Variants in PRRT1B observed in about 807,000 individuals in gnomAD.
The protein encoded by PRRT1B is dispanin subfamily D member 2.
chr9:131,556,244 T>G, intron 3 of PRRT1B, 31 bp downstream of exon 3: 1 of 400,716 alleles, frequency 2.5e-6, no homozygotes, highest in Non-Finnish European at 4.4e-6. Flanking sequence ...GGGCACAGCC[T>G]CTCCTAGCAC....
intron 1 of PRRT1B, among the ~76,000 whole-genome samples, chr9:131,546,052 G>T (rs952297362): frequency 6.6e-6 from 1 of 152,148 alleles, no homozygotes; most frequent in Non-Finnish European, 1.5e-5. Context: ...AGCTCTGGGG[G>T]CGCCCCTGCG....
Position 131,548,860 on chromosome 9 carries a change from C to T in PRRT1B, c.25+3220C>T, listed in dbSNP as rs568994864. Among the ~76,000 whole-genome samples, 11 of 152,318 alleles carry T rather than the reference C, an allele frequency of 7.2e-5. No individual in the cohort carries two copies. In the Middle Eastern group the frequency reaches 0.014, roughly 188 times the overall value. ...TTTAATTCTGCGACTAGCCCTCCCC[C>T]ACCTGCCCAGCAATTTCCTCTTAAA... On this transcript the variant is annotated intron_variant, in intron 1 of 3. Transcript: ENST00000636672.
At position 131,556,228 on chromosome 9, in the gene PRRT1B, G is replaced by A. The variant is rs1302476253; in HGVS notation, c.642+15G>A. ...ACTCCCACGAGGTAGGTGCGGGGGC[G>A]GCCCTGGGCACAGCCTCTCCTAGCA... On this transcript the variant is annotated intron_variant, in intron 3 of 3. Coordinates refer to ENST00000636672, the Ensembl canonical transcript of PRRT1B. The A allele has an allele frequency of 2.5e-5, 10 of 399,856 alleles. No individual in the cohort carries two copies. Among genetic ancestry groups the A allele is most frequent in the African/African-American group, 1.0e-4 (5 of 48,718 alleles). 24.8% of individuals were successfully genotyped at this position (399,856 alleles called of 1,614,324 possible).
chr9:131,545,663 T>TGGGACAGGTACTGGC (rs1205957976), intron 1 of PRRT1B, 23 bp downstream of exon 1: 2 of 384,226 alleles, frequency 5.2e-6, no homozygotes, highest in South Asian at 1.3e-4. Context: ...CAGGTGCTGG[T>TGGGACAGGTACTGGC]GGGACAGGTA....
chr9:131,549,300 C>T (rs1307757053), intron 1 of PRRT1B, among the ~76,000 whole-genome samples: 5 of 152,344 alleles, frequency 3.3e-5, no homozygotes, highest in East Asian at 1.9e-4. Flanking sequence ...GAACTTCAAA[C>T]GCCTGAACCG....
chr9:131,555,916 AC>A (rs1016102591), intron 2 of PRRT1B, among the ~76,000 whole-genome samples, 153 bp from the exon 3 acceptor site: 7 of 152,054 alleles, frequency 4.6e-5, no homozygotes, highest in Non-Finnish European at 7.4e-5. Flanking sequence ...GCAGAGGGGC[AC>A]CCTGACCCAA....
At chr9:131,554,770 C>A (rs1564417801) in exon 2 of PRRT1B, 2 of 322,644 alleles carry the variant, frequency 6.2e-6, no homozygotes, top group Non-Finnish European at 1.1e-5. Context: ...CCGGCCCAGG[C>A]GGCGGGCGAG....
chr9:131,557,132 C>T (rs1951055942), intron 3 of PRRT1B, among the ~76,000 whole-genome samples: 1 of 152,116 alleles, frequency 6.6e-6, no homozygotes, highest in Admixed American at 6.6e-5. Context: ...CCACCTACCA[C>T]CCATTATCTC....
intron 1 of PRRT1B, among the ~76,000 whole-genome samples, chr9:131,550,731 G>A (rs191553315): frequency 7.2e-5 from 11 of 152,154 alleles, no homozygotes; most frequent in South Asian, 2.1e-4. Context: ...AGCAGCTGCC[G>A]CTGCTTTAAT....
In PRRT1B at chr9:131,551,263, T is replaced by C. The variant is rs1951010739; in HGVS notation, c.26-3294T>C. On this transcript the variant is annotated intron_variant, in intron 1 of 3. Coordinates refer to ENST00000636672, the Ensembl canonical transcript of PRRT1B. The surrounding 1 kb of genome is among the most constrained non-coding windows in gnomAD (Gnocchi z 4.4). The stretch of plus-strand genomic sequence containing the variant: ...GACCTGCGTTTAGTTTTTCAATTCA[T>C]ACAAAACCGCATCCAGGCCATCACC... Among the ~76,000 whole-genome samples the C allele has an allele frequency of 6.6e-6, 1 of 151,990 alleles. No individual in the cohort carries two copies. The highest frequency in any genetic ancestry group is 1.5e-5 in the Non-Finnish European group (1 of 68,000).
downstream of PRRT1B, among the ~76,000 whole-genome samples, chr9:131,558,857 G>A (rs1951067313): frequency 3.3e-5 from 5 of 152,168 alleles, no homozygotes; most frequent in African/African-American, 7.2e-5. Flanking sequence ...GACACTTCCT[G>A]GCTCTCTTCC....
chr9:131,546,522 C>T (rs1950976329), intron 1 of PRRT1B, among the ~76,000 whole-genome samples: 1 of 152,080 alleles, frequency 6.6e-6, no homozygotes, highest in Non-Finnish European at 1.5e-5. Flanking sequence ...CTCCCCGCCC[C>T]CTCATCCCCC....
intron 3 of PRRT1B, among the ~76,000 whole-genome samples, chr9:131,556,790 C>G (rs1261029962): frequency 6.6e-6 from 1 of 152,134 alleles, no homozygotes; most frequent in African/African-American, 2.4e-5. Context: ...CACCACCATG[C>G]CCAGCTAATT....
At chr9:131,556,081 G>A (rs776210666) in exon 3 of PRRT1B, 32 of 400,928 alleles carry the variant, frequency 8.0e-5, no homozygotes, top group Non-Finnish European at 1.3e-4. Context: ...ACAATGGCCC[G>A]ATGGCTGGCG....
chr9:131,546,520 C>T (rs1437434235), intron 1 of PRRT1B, among the ~76,000 whole-genome samples: 1 of 152,050 alleles, frequency 6.6e-6, no homozygotes, highest in Admixed American at 6.5e-5. Flanking sequence ...CACTCCCCGC[C>T]CCCTCATCCC....
intron 1 of PRRT1B, among the ~76,000 whole-genome samples, chr9:131,546,521 C>T (rs1045661886): frequency 1.3e-5 from 2 of 152,074 alleles, no homozygotes; most frequent in Non-Finnish European, 2.9e-5. Flanking sequence ...ACTCCCCGCC[C>T]CCTCATCCCC....
intron 1 of PRRT1B, among the ~76,000 whole-genome samples, chr9:131,553,913 T>C (rs1390361286): frequency 6.6e-6 from 1 of 152,186 alleles, no homozygotes; most frequent in Non-Finnish European, 1.5e-5. Context: ...GGACCTATCG[T>C]TGGGTGCTGA....
rs2132008680 is a variant in PRRT1B, at chr9:131,551,380, A to G, written c.26-3177A>G. On this transcript the variant is annotated intron_variant, in intron 1 of 3. Coordinates refer to ENST00000636672, the Ensembl canonical transcript of PRRT1B. The surrounding 1 kb of genome is among the most constrained non-coding windows in gnomAD (Gnocchi z 4.4). ...CCTTCAGCTTAATCTCTCCCACTCT[A>G]GGTTCCCACGCCGCCCCTAATCTCG... Among the ~76,000 whole-genome samples the G allele has an allele frequency of 6.6e-6, 1 of 152,178 alleles. No homozygotes were observed. Among genetic ancestry groups the G allele is most frequent in the East Asian group, 1.9e-4 (1 of 5,184 alleles).
intron 1 of PRRT1B, among the ~76,000 whole-genome samples, chr9:131,554,170 T>C (rs1173697615): frequency 2.0e-5 from 3 of 152,234 alleles, no homozygotes; most frequent in Non-Finnish European, 4.4e-5. Flanking sequence ...AGGCGTCCCC[T>C]TCATTGGAGG....
Sources: gnomAD v4.1 joint callset for allele counts (sites outside exome capture counted in the v4.1 genomes callset) on GRCh38, gnomAD v4.1.1 for gene constraint, Gnocchi (gnomAD v3.1) non-coding constraint, MANE v1.5 for transcripts, NCBI Gene and HGNC (gene_info 2026-07-23, HGNC 2026-07-21) for gene names.